Variants in RTCA observed in about 807,000 individuals in gnomAD.
RTCA encodes RNA terminal phosphate cyclase domain 1.
Under a neutral mutation model 46.1 loss-of-function variants are expected in RTCA, and 37 were observed. The observed-to-expected ratio is 0.80, with a 90% confidence interval of 0.62 to 1.06. The LOEUF (loss-of-function observed/expected upper bound fraction) is 1.06, where lower values mean the gene tolerates loss of function less well. Among genes scored for constraint, RTCA ranks in the 50% least tolerant of loss-of-function variants. The pLI is 0.00. For missense variants in RTCA, 435 were observed against 455.5 expected (o/e 0.95, Z 0.41); for synonymous variants, 164 against 158.3 (o/e 1.04, Z -0.27).
rs547265253 is a variant in RTCA, at chr1:100,277,804, G to C, written c.799+488G>C. 1.7e-4 allele frequency among the ~76,000 whole-genome samples: 26 copies of C among 149,870 alleles called. 1 individual carries two copies. In the South Asian group the frequency reaches 3.6e-3, roughly 21 times the overall value. ...GAGCGATGTGGAATTTTTTTTTTTG[G>C]GGGGGGGCACATAGCATTTGTTTCT... On this transcript the variant is annotated intron_variant, in intron 8 of 10. Coordinates refer to ENST00000370128, the MANE Select transcript of RTCA (RefSeq NM_003729.4).
intron 8 of RTCA, among the ~76,000 whole-genome samples, chr1:100,277,826 T>C (rs549537984): frequency 6.6e-6 from 1 of 151,976 alleles, no homozygotes; most frequent in African/African-American, 2.4e-5. Context: ...TAGCATTTGT[T>C]TCTCAAGTCT....
chr1:100,269,033 T>A (rs910825219), intron 3 of RTCA, among the ~76,000 whole-genome samples: 1 of 147,008 alleles, frequency 6.8e-6, no homozygotes, highest in Non-Finnish European at 1.5e-5. Flanking sequence ...ATATATATAT[T>A]TATATATTTA....
rs902365054 is a variant in RTCA at position 100,291,286 on chromosome 1, T to C, written c.1000-117T>C. 4.8e-6 allele frequency: 3 copies of C among 624,706 alleles called. No individual in the cohort carries two copies. In the African/African-American group the frequency reaches 5.6e-5, roughly 12 times the overall value. The allele number at this position is 624,706 out of a possible 1,614,324, so 38.7% of individuals were successfully genotyped here. A position where few individuals can be genotyped will look rare whatever the true frequency, so the allele number is the denominator to read the frequency against. On this transcript the variant is annotated intron_variant, in intron 10 of 10. Transcript: ENST00000370128. ...ATCAATCATTTGATCTTTGTGTCTC[T>C]GTAGGTTTTTCAATAAAATGGGCTT...
At chr1:100,281,153 A>T in intron 8 of RTCA, 1 of 521,530 alleles carries the variant, frequency 1.9e-6, no homozygotes, top group Non-Finnish European at 3.9e-6. Context: ...TGTCTCAGTT[A>T]CTATAACCAT....
chr1:100,267,639 C>T, intron 2 of RTCA: 1 of 1,180,040 alleles, frequency 8.5e-7, no homozygotes, highest in Non-Finnish European at 1.1e-6. Context: ...CCTAGCGTCT[C>T]TGTATGTTCT....
intron 10 of RTCA, among the ~76,000 whole-genome samples, chr1:100,288,749 T>C (rs1483412938): frequency 6.6e-6 from 1 of 152,192 alleles, no homozygotes; most frequent in Non-Finnish European, 1.5e-5. Flanking sequence ...AAAAAATTAA[T>C]CATTACAGAA....
intron 3 of RTCA, among the ~76,000 whole-genome samples, chr1:100,270,077 G>T (rs997576236): frequency 1.3e-4 from 20 of 152,090 alleles, no homozygotes; most frequent in African/African-American, 4.8e-4. Context: ...CACAATGACA[G>T]GAACTATATC....
intron 10 of RTCA, 38 bp from the exon 11 acceptor site, chr1:100,291,365 C>G (rs746945368): frequency 1.5e-6 from 2 of 1,374,096 alleles, no homozygotes; most frequent in South Asian, 2.6e-5. Flanking sequence ...TCCTCCATCT[C>G]TCTTCGTATT....
chr1:100,288,533 G>A (rs1310681081), intron 10 of RTCA, among the ~76,000 whole-genome samples: 1 of 151,322 alleles, frequency 6.6e-6, no homozygotes, highest in East Asian at 2.0e-4. Flanking sequence ...CTGGGGCTAC[G>A]GGAGTGTGCC....
intron 8 of RTCA, chr1:100,281,372 C>G: frequency 1.9e-6 from 1 of 518,228 alleles, no homozygotes; most frequent in Middle Eastern, 3.3e-4. Flanking sequence ...GTCCCATGTC[C>G]TGTCATTATC....
chr1:100,268,402 T>TG (rs2100788245), intron 3 of RTCA, 107 bp downstream of exon 3: 4 of 917,518 alleles, frequency 4.4e-6, no homozygotes, highest in East Asian at 5.9e-5. Context: ...CCTACTTTTA[T>TG]GTTTTTTTTT....
intron 5 of RTCA, among the ~76,000 whole-genome samples, chr1:100,274,049 G>A (rs1191886880): frequency 6.6e-6 from 1 of 151,830 alleles, no homozygotes; most frequent in African/African-American, 2.4e-5. Flanking sequence ...TTGTGTCTTT[G>A]TTCATGTTAT....
At chr1:100,266,678 G>A (rs1454526529) in intron 2 of RTCA, 54 bp downstream of exon 2, 2 of 1,449,470 alleles carry the variant, frequency 1.4e-6, no homozygotes, top group Non-Finnish European at 1.9e-6. Flanking sequence ...TCGGGGGGTC[G>A]GGCTGCCGGG....
At chr1:100,281,735 G>C (rs1375241670) in intron 8 of RTCA, among the ~76,000 whole-genome samples, 2 of 147,766 alleles carry the variant, frequency 1.4e-5, no homozygotes, top group Non-Finnish European at 3.0e-5. Flanking sequence ...TTTTTTTTTC[G>C]AGACGGAATC....
intron 5 of RTCA, among the ~76,000 whole-genome samples, chr1:100,274,303 A>G (rs1383247162): frequency 1.3e-5 from 2 of 152,230 alleles, no homozygotes; most frequent in African/African-American, 2.4e-5. Flanking sequence ...AATGACACCA[A>G]TTAATTGAAT....
intron 4 of RTCA, among the ~76,000 whole-genome samples, chr1:100,271,764 TCA>T (rs969507673): frequency 1.1e-4 from 17 of 152,336 alleles, no homozygotes; most frequent in African/African-American, 4.1e-4. Flanking sequence ...GTGACATGAT[TCA>T]CAGTTATGAA....
At chr1:100,284,860 A>G (rs1421179236) in intron 8 of RTCA, among the ~76,000 whole-genome samples, 1 of 151,640 alleles carries the variant, frequency 6.6e-6, no homozygotes, top group Non-Finnish European at 1.5e-5. Context: ...AGCTTCTCAA[A>G]GTCCTGGGAT....
rs2100794893 is a variant in RTCA at position 100,273,251 on chromosome 1, T to C, written c.415-143T>C. On this transcript the variant is annotated intron_variant, in intron 4 of 10. Coordinates refer to ENST00000370128, the MANE Select transcript of RTCA (RefSeq NM_003729.4). The stretch of plus-strand genomic sequence containing the variant: ...TATCAGTTTTTTTATTTGAAAAAAA[T>C]GGAACCAGCCTACATATTCTTATAA... 1.0e-5 allele frequency: 5 copies of C among 484,392 alleles called. No homozygotes were observed. The South Asian group carries it at 1.3e-4, about 12-fold the overall frequency. 30.0% of individuals were successfully genotyped at this position (484,392 alleles called of 1,614,324 possible).
Position 100,274,912 on chromosome 1 carries a change from T to C in RTCA, c.562T>C (p.Cys188Arg). ...CCCTATAAATTTAACTGAGCGTGGC[T>C]GTGTGACTAAGATATATGGAAGAGC... is the stretch of plus-strand genomic sequence containing the variant. Reference protein sequence around the residue: ...LNPINLTERGCVTKIYGRAFV... With the variant: ...LNPINLTERGRVTKIYGRAFV... Residue 188 changes from cysteine to arginine, a missense_variant, in exon 6 of 11, where the codon TGT becomes CGT. Transcript: ENST00000370128. 2 of 1,613,134 alleles carry C rather than the reference T, an allele frequency of 1.2e-6. No homozygotes were observed. The highest frequency in any genetic ancestry group is 1.7e-6 in the Non-Finnish European group (2 of 1,179,310).
Sources: allele counts gnomAD v4.1 joint callset (sites outside exome capture counted in the v4.1 genomes callset), GRCh38; gene constraint gnomAD v4.1.1; transcripts MANE v1.5; gene names NCBI Gene and HGNC (gene_info 2026-07-23, HGNC 2026-07-21).